The following DLGAP2 variants were observed in gnomAD, a reference collection of about 807,000 sequenced individuals.
DLGAP2 encodes the protein DLG associated protein 2.
Under a neutral mutation model 100.3 loss-of-function variants are expected in DLGAP2, and 26 were observed. The observed-to-expected ratio is 0.26, with a 90% confidence interval of 0.19 to 0.36. The LOEUF (loss-of-function observed/expected upper bound fraction) is 0.36, where lower values mean the gene tolerates loss of function less well. Among genes scored for constraint, DLGAP2 ranks in the 10% least tolerant of loss-of-function variants. The pLI is 1.00. For missense variants in DLGAP2, 1,858 were observed against 1,453.2 expected, an observed-to-expected ratio of 1.28 and a Z score of -4.53; for synonymous variants, 886 against 630.1, an observed-to-expected ratio of 1.41 and a Z score of -6.08.
At chr8:858,305 A>T (rs183262041) in intron 1 of DLGAP2, among the ~76,000 whole-genome samples, 165 of 152,384 alleles carry the variant, frequency 1.1e-3, no homozygotes, top group African/African-American at 2.7e-3. Flanking sequence ...AATGCACGTG[A>T]CTACGTGAAA....
chr8:1,432,123 C>G (rs1214375769), intron 3 of DLGAP2, among the ~76,000 whole-genome samples: 2 of 152,196 alleles, frequency 1.3e-5, no homozygotes, highest in Non-Finnish European at 2.9e-5. Context: ...TGAACTCTGG[C>G]GTTTGATCAT....
At chr8:1,357,564 T>G (rs1481030827) in intron 3 of DLGAP2, among the ~76,000 whole-genome samples, 1 of 152,184 alleles carries the variant, frequency 6.6e-6, no homozygotes, top group Non-Finnish European at 1.5e-5. Context: ...GGTGCCCTGG[T>G]ATTTTAGTGC....
chr8:1,247,272 AG>A (rs1798931123), intron 2 of DLGAP2, among the ~76,000 whole-genome samples: 2 of 44,148 alleles, frequency 4.5e-5, no homozygotes, highest in Non-Finnish European at 8.2e-5. Context: ...TGTGGGAGTG[AG>A]ATGGTCCACA....
intron 6 of DLGAP2, among the ~76,000 whole-genome samples, chr8:1,590,281 G>C (rs1796252389): frequency 6.6e-6 from 1 of 152,200 alleles, no homozygotes; most frequent in Non-Finnish European, 1.5e-5. Context: ...CTCTTCTACA[G>C]GGAGACACAG....
At chr8:1,543,994 C>T (rs1023997969) in intron 4 of DLGAP2, among the ~76,000 whole-genome samples, 1 of 152,080 alleles carries the variant, frequency 6.6e-6, no homozygotes, top group Non-Finnish European at 1.5e-5. Context: ...CCTTGAACTC[C>T]CAGACTCAAG....
chr8:1,382,248 G>A (rs569971490), intron 3 of DLGAP2, among the ~76,000 whole-genome samples: 1 of 152,194 alleles, frequency 6.6e-6, no homozygotes, highest in African/African-American at 2.4e-5. Context: ...TACATGTACT[G>A]TTTATTAAAT....
intron 2 of DLGAP2, among the ~76,000 whole-genome samples, chr8:1,234,179 G>A (rs185458061): frequency 2.6e-5 from 4 of 152,338 alleles, no homozygotes; most frequent in Admixed American, 6.5e-5. Context: ...AGTCCTGTGC[G>A]GCTGTTGTCG....
chr8:810,113 T>C (rs1215772098), intron 1 of DLGAP2, among the ~76,000 whole-genome samples: 1 of 152,216 alleles, frequency 6.6e-6, no homozygotes, highest in Non-Finnish European at 1.5e-5. Flanking sequence ...TCATGACTTG[T>C]AGGTCTTCAA....
intron 1 of DLGAP2, among the ~76,000 whole-genome samples, chr8:861,456 A>G (rs1375312723): frequency 6.6e-6 from 1 of 152,162 alleles, no homozygotes; most frequent in African/African-American, 2.4e-5. Context: ...TGCTCTGGCC[A>G]TTTAACAGAA....
chr8:1,258,770 G>C (rs895227735), intron 2 of DLGAP2, 81 bp from the exon 3 acceptor site: 2 of 1,161,036 alleles, frequency 1.7e-6, no homozygotes, highest in African/African-American at 1.6e-5. Flanking sequence ...TTGTAGTTTT[G>C]TTGTTGCTGA....
intron 2 of DLGAP2, among the ~76,000 whole-genome samples, chr8:1,022,776 C>G (rs1211495422): frequency 6.6e-6 from 1 of 152,010 alleles, no homozygotes; most frequent in East Asian, 1.9e-4. Flanking sequence ...TGGACAGTCC[C>G]ATGCCGAGGT....
chr8:1,356,088 G>C (rs1474710242), intron 3 of DLGAP2, among the ~76,000 whole-genome samples: 1 of 152,216 alleles, frequency 6.6e-6, no homozygotes, highest in Admixed American at 6.5e-5. Context: ...GCCAGTGCAG[G>C]TCCCTGGACA....
chr8:867,319 TC>T (rs1797517054), intron 1 of DLGAP2, among the ~76,000 whole-genome samples: 1 of 152,244 alleles, frequency 6.6e-6, no homozygotes, highest in Admixed American at 6.5e-5. Context: ...TATTCCAACT[TC>T]GTGCCCTCCT....
chr8:1,681,150 T>A (rs1024965765), intron 12 of DLGAP2, among the ~76,000 whole-genome samples: 2 of 152,202 alleles, frequency 1.3e-5, no homozygotes, highest in African/African-American at 4.8e-5. Flanking sequence ...CATTTGAGTT[T>A]ATCCCATTCG....
intron 2 of DLGAP2, chr8:1,003,253 GCCCTCTT>G (rs1458198095): frequency 2.0e-5 from 3 of 152,232 alleles, no homozygotes; most frequent in African/African-American, 7.2e-5. Context: ...CGAATGCACT[GCCCTCTT>G]CCTTCACTCC....
intron 1 of DLGAP2, among the ~76,000 whole-genome samples, chr8:890,247 G>A (rs1160387614): frequency 6.6e-6 from 1 of 152,148 alleles, no homozygotes; most frequent in Non-Finnish European, 1.5e-5. Context: ...CAGACATTAA[G>A]AAAAGCCGTC....
intron 6 of DLGAP2, among the ~76,000 whole-genome samples, chr8:1,623,612 G>A (rs181355569): frequency 2.7e-5 from 4 of 148,880 alleles, no homozygotes; most frequent in South Asian, 2.1e-4. Context: ...ACCAGTGTGC[G>A]ATGACGTGGC....
At chr8:1,459,544 A>G (rs1798414286) in intron 3 of DLGAP2, among the ~76,000 whole-genome samples, 1 of 152,164 alleles carries the variant, frequency 6.6e-6, no homozygotes, top group Non-Finnish European at 1.5e-5. Flanking sequence ...TCTTCTTCAA[A>G]TTAACTGCAA....
In DLGAP2 at chr8:1,626,482, G is replaced by A. The variant is rs561586955; in HGVS notation, c.1443-258G>A. Reference sequence around the variant, plus strand: ...ATCTGTACCCTGTGGTGGGTGCTCAGCCTCTGGGTGTGGGTTGGACGGTCG... The same window carrying A: ...ATCTGTACCCTGTGGTGGGTGCTCAACCTCTGGGTGTGGGTTGGACGGTCG... On this transcript the variant is annotated intron_variant, in intron 6 of 14. Transcript: ENST00000637795. 4.8e-3 allele frequency among the ~76,000 whole-genome samples: 706 copies of A among 147,962 alleles called. 3 individuals carry two copies. Among genetic ancestry groups the A allele is most frequent in the Non-Finnish European group, 6.2e-3 (414 of 66,844 alleles).
Sources: gnomAD v4.1 joint callset for allele counts (sites outside exome capture counted in the v4.1 genomes callset) on GRCh38, gnomAD v4.1.1 for gene constraint, MANE v1.5 for transcripts, NCBI Gene and HGNC (gene_info 2026-07-23, HGNC 2026-07-21) for gene names.